The following AIG1 variants were observed in gnomAD, a reference collection of about 807,000 sequenced individuals.
AIG1 encodes the protein androgen induced 1, also known as androgen-induced gene 1 protein.
Under a neutral mutation model 31.4 loss-of-function variants are expected in AIG1, and 23 were observed. The observed-to-expected ratio is 0.73, with a 90% CI of 0.53 to 1.04. The LOEUF is 1.04. Ranked by LOEUF, AIG1 falls within the 50% of genes least tolerant of loss-of-function variation. The probability of loss-of-function intolerance (pLI) is 0.00; values close to 1 mark genes in which losing one functional copy is unlikely to be tolerated. For synonymous variants in AIG1, 100 were observed against 110.5 expected (o/e 0.90, Z 0.60); for missense variants, 274 against 295.0 (o/e 0.93, Z 0.52).
rs746066234 is a variant in AIG1, at chr6:143,136,922, A to G, written c.229A>G (p.Arg77Gly). The G allele has an allele frequency of 5.9e-6, 9 of 1,534,016 alleles. No homozygotes were observed. The Admixed American group carries it at 9.0e-5, about 15-fold the overall frequency. Residue 77 changes from arginine (R) to glycine (G), a missense_variant, in exon 2 of 6, where the codon AGG (arginine) becomes GGG (glycine). Arg to Gly is a moderately radical substitution (Grantham distance 125). Coordinates refer to ENST00000357847, the MANE Select transcript of AIG1 (RefSeq NM_016108.4). Reference sequence around the variant, plus strand: ...AGGAAGTGGGAACCAGGAGCAAGAGAGGCAGCTCAAGAAGCTCATCTCTCT... The same window carrying G: ...AGGAAGTGGGAACCAGGAGCAAGAGGGGCAGCTCAAGAAGCTCATCTCTCT... ...TRGSGNQEQE[R>G]QLKKLISLRD...
At chr6:143,324,955 A>G (rs1583875325) in intron 4 of AIG1, among the ~76,000 whole-genome samples, 1 of 152,234 alleles carries the variant, frequency 6.6e-6, no homozygotes. Flanking sequence ...CCATGTAGCA[A>G]AAAGAGCTAC....
At chr6:143,222,505 C>T (rs1428839531) in intron 3 of AIG1, among the ~76,000 whole-genome samples, 1 of 152,094 alleles carries the variant, frequency 6.6e-6, no homozygotes, top group Non-Finnish European at 1.5e-5. Context: ...CTGTGAATTT[C>T]ATTTCAGCTC....
intron 2 of AIG1, among the ~76,000 whole-genome samples, chr6:143,137,255 G>A (rs562349475): frequency 9.2e-5 from 14 of 152,218 alleles, no homozygotes; most frequent in African/African-American, 3.1e-4. Context: ...CCTTCTGACT[G>A]TGTCTTCACA....
intron 1 of AIG1, among the ~76,000 whole-genome samples, chr6:143,122,382 C>T (rs1400737355): frequency 2.0e-5 from 3 of 151,816 alleles, no homozygotes; most frequent in African/African-American, 7.3e-5. Context: ...TAAACATATA[C>T]TTTGTATGTT....
At chr6:143,062,355 T>G (rs1052452240) in intron 1 of AIG1, among the ~76,000 whole-genome samples, 21 of 152,192 alleles carry the variant, frequency 1.4e-4, no homozygotes, top group Admixed American at 6.5e-5. Flanking sequence ...CCAACTCTGC[T>G]TGAAACTAAT....
chr6:143,130,828 T>G (rs1464235653), intron 1 of AIG1, among the ~76,000 whole-genome samples: 22 of 152,160 alleles, frequency 1.4e-4, no homozygotes, highest in Non-Finnish European at 1.8e-4. Context: ...ACCCAGGTAT[T>G]AGCTTGGTAC....
At chr6:143,202,952 G>A (rs1273118276) in intron 3 of AIG1, among the ~76,000 whole-genome samples, 1 of 152,118 alleles carries the variant, frequency 6.6e-6, no homozygotes, top group Non-Finnish European at 1.5e-5. Context: ...TAAATTTGAT[G>A]TGCATTCTCT....
chr6:143,156,565 A>C (rs1195686047), intron 2 of AIG1, among the ~76,000 whole-genome samples: 1 of 152,188 alleles, frequency 6.6e-6, no homozygotes, highest in Non-Finnish European at 1.5e-5. Flanking sequence ...TTCATGCTTC[A>C]GTATATCTGT....
At position 143,330,785 on chromosome 6, in the gene AIG1, A is replaced by G. The variant is rs934065418; in HGVS notation, c.516-2497A>G. ...TGGTGTTAAATTGGGGGAATATTGCATATTCTCTCCATGGAAATTAATAAA... is the reference window on the plus strand; with the variant it reads ...TGGTGTTAAATTGGGGGAATATTGCGTATTCTCTCCATGGAAATTAATAAA... On this transcript the variant is annotated intron_variant, in intron 4 of 5. Coordinates refer to ENST00000357847, the MANE Select transcript of AIG1 (RefSeq NM_016108.4). The surrounding 1 kb of genome is among the most constrained non-coding windows in gnomAD (Gnocchi z 4.4). Among the ~76,000 whole-genome samples the G allele has an allele frequency of 2.6e-5, 4 of 152,234 alleles. No homozygotes were observed. Among genetic ancestry groups the G allele is most frequent in the Non-Finnish European group, 5.9e-5 (4 of 68,040 alleles).
chr6:143,332,647 G>A (rs1286026371), intron 4 of AIG1, among the ~76,000 whole-genome samples: 4 of 152,238 alleles, frequency 2.6e-5, no homozygotes, highest in Non-Finnish European at 1.5e-5. Flanking sequence ...ATCTGGCACA[G>A]ACTCACCTAG....
chr6:143,182,650 G>A (rs1788843826), intron 3 of AIG1, among the ~76,000 whole-genome samples: 1 of 152,190 alleles, frequency 6.6e-6, no homozygotes, highest in African/African-American at 2.4e-5. Context: ...ATATAATGTG[G>A]TTTTGCTTAT....
At chr6:143,203,522 C>A (rs1391846586) in intron 3 of AIG1, among the ~76,000 whole-genome samples, 1 of 152,196 alleles carries the variant, frequency 6.6e-6, no homozygotes, top group South Asian at 2.1e-4. Context: ...ATTCACCTCT[C>A]TCCATCTCTA....
intron 1 of AIG1, among the ~76,000 whole-genome samples, chr6:143,108,411 T>C: frequency 6.6e-6 from 1 of 152,306 alleles, no homozygotes; most frequent in East Asian, 1.9e-4. Context: ...CAAATGTTTG[T>C]GGTGTCTATT....
At chr6:143,066,793 G>GAGGT (rs1776753150) in intron 1 of AIG1, among the ~76,000 whole-genome samples, 2 of 152,270 alleles carry the variant, frequency 1.3e-5, no homozygotes, top group South Asian at 4.1e-4. Flanking sequence ...TGAAAGAAAG[G>GAGGT]AGGTATAACA....
In AIG1 at chr6:143,326,764, GCTAA is replaced by G. The variant is rs1033295345; in HGVS notation, c.516-6512_516-6509del. Among the ~76,000 whole-genome samples the G allele has an allele frequency of 6.4e-4, 97 of 152,094 alleles. 1 individual carries two copies. The highest frequency in any genetic ancestry group is 2.3e-3 in the African/African-American group (96 of 41,380). ...TATAACCTAATTATTCTAAGTGGTG[GCTAA>G]CTAACAGTACAGGCAGAAAGAAGAA... On this transcript the variant is annotated intron_variant, in intron 4 of 5. Transcript: ENST00000357847. The surrounding 1 kb of genome is among the most constrained non-coding windows in gnomAD (Gnocchi z 4.5).
chr6:143,094,226 C>T (rs770368736), intron 1 of AIG1: 15 of 152,144 alleles, frequency 9.9e-5, no homozygotes, highest in Admixed American at 3.9e-4. Flanking sequence ...GATTCTTTTC[C>T]GTTTGACTCA....
intron 1 of AIG1, among the ~76,000 whole-genome samples, chr6:143,080,130 C>T (rs1778090561): frequency 6.6e-6 from 1 of 152,136 alleles, no homozygotes; most frequent in Non-Finnish European, 1.5e-5. Context: ...GTCTCTCAGT[C>T]CCACCTCTCA....
chr6:143,077,585 T>C (rs1777849156), intron 1 of AIG1, among the ~76,000 whole-genome samples: 1 of 152,206 alleles, frequency 6.6e-6, no homozygotes, highest in Admixed American at 6.5e-5. Context: ...CTTAAAGGCA[T>C]ATGTTGTTTT....
At chr6:143,101,016 C>T (rs1780228280) in intron 1 of AIG1, among the ~76,000 whole-genome samples, 1 of 152,146 alleles carries the variant, frequency 6.6e-6, no homozygotes, top group Non-Finnish European at 1.5e-5. Flanking sequence ...TAAGCTCACT[C>T]TTATAAAATT....
Sources: gnomAD v4.1 joint callset for allele counts (sites outside exome capture counted in the v4.1 genomes callset) on GRCh38, gnomAD v4.1.1 for gene constraint, Gnocchi (gnomAD v3.1) non-coding constraint, MANE v1.5 for transcripts, NCBI Gene and HGNC (gene_info 2026-07-23, HGNC 2026-07-21) for gene names.